WDR1: variants seen among roughly 807,000 people sequenced by gnomAD.
WDR1 encodes the protein WD repeat domain 1.
Under a neutral mutation model 71.9 loss-of-function variants are expected in WDR1, and 21 were observed. The observed-to-expected ratio is 0.29, with a 90% CI of 0.21 to 0.42. The LOEUF is 0.42. Among genes scored for constraint, WDR1 ranks in the 10% least tolerant of loss-of-function variants. The pLI is 1.00. For missense variants in WDR1, 696 were observed against 824.5 expected (o/e 0.84, Z 1.91); for synonymous variants, 424 against 347.4 (o/e 1.22, Z -2.45).
At chr4:10,095,625 A>G (rs1294013398) in intron 5 of WDR1, among the ~76,000 whole-genome samples, 1 of 152,124 alleles carries the variant, frequency 6.6e-6, no homozygotes, top group East Asian at 1.9e-4. Flanking sequence ...TGCAACTCAG[A>G]AGGTATTTGG....
At chr4:10,081,674 GAAGGAGGGGC>G (rs1765021101) in intron 10 of WDR1, among the ~76,000 whole-genome samples, 4 of 81,248 alleles carry the variant, frequency 4.9e-5, no homozygotes, top group Non-Finnish European at 7.4e-5. Flanking sequence ...GGGGGGGGGG[GAAGGAGGGGC>G]GGGAGGCGGT....
In WDR1 at chr4:10,079,018, C is replaced by A; in HGVS notation, c.1285-17G>T. 3 of 1,581,940 alleles carry A rather than the reference C, an allele frequency of 1.9e-6. No individual in the cohort carries two copies. Among genetic ancestry groups the A allele is most frequent in the Non-Finnish European group, 2.6e-6 (3 of 1,160,344 alleles). ...CAGGACAATCTGTGGCACACACAGG[C>A]AGCTGGTCAGGCGGTCCAGCCCTTC... On this transcript the variant is annotated splice_polypyrimidine_tract_variant and intron_variant, in intron 11 of 14. Coordinates refer to ENST00000499869, the MANE Select transcript of WDR1 (RefSeq NM_017491.5).
intron 8 of WDR1, among the ~76,000 whole-genome samples, chr4:10,085,852 TGA>T (rs1560532169): frequency 1.3e-5 from 2 of 152,222 alleles, no homozygotes; most frequent in Non-Finnish European, 2.9e-5. Context: ...AGCATCTGCG[TGA>T]CTCACACAGG....
chr4:10,080,343 G>A (rs1425568731), intron 11 of WDR1, among the ~76,000 whole-genome samples: 1 of 143,512 alleles, frequency 7.0e-6, no homozygotes, highest in Admixed American at 7.2e-5. Context: ...GAGCCCTGCT[G>A]TGCAGAGATA....
At chr4:10,083,581 A>G (rs1472972497) in intron 9 of WDR1, 1 of 479,584 alleles carries the variant, frequency 2.1e-6, no homozygotes, top group Admixed American at 2.2e-5. Context: ...GGTCCCGGAC[A>G]GTCCCTTTGG....
chr4:10,115,087 G>C (rs1283406172), intron 2 of WDR1, among the ~76,000 whole-genome samples: 6 of 152,216 alleles, frequency 3.9e-5, no homozygotes, highest in African/African-American at 7.2e-5. Context: ...ACTTTAAGTT[G>C]ACAACCCTTG....
intron 5 of WDR1, 80 bp downstream of exon 5, chr4:10,097,631 C>T (rs1712423339): frequency 3.4e-6 from 5 of 1,492,236 alleles, no homozygotes; most frequent in Middle Eastern, 4.7e-4. Flanking sequence ...TGGTCTCTGC[C>T]ATCAGCATCT....
chr4:10,079,979 T>G (rs4697916), intron 11 of WDR1, among the ~76,000 whole-genome samples: 1 of 152,148 alleles, frequency 6.6e-6, no homozygotes, highest in Non-Finnish European at 1.5e-5. Context: ...CCCTCCTAAC[T>G]CTTTGACTGG....
chr4:10,078,918 G>A lies in WDR1; in HGVS notation c.1368C>T (p.Gly456=), dbSNP rs758676158. ...CACCCCCAATTGCCACCGTGTCCCC[G>A]CCGGGGTGCACTGCCACAACTTCGG... The part of the protein sequence containing the change: ...YEPEVVAVHP[G]GDTVAIGGVD... The change falls in exon 12 of 15, where the codon GGC becomes GGT. Residue 456 remains glycine, a synonymous_variant. Transcript: ENST00000499869. The A allele has an allele frequency of 1.6e-5, 26 of 1,612,566 alleles. No individual in the cohort carries two copies. Among genetic ancestry groups the A allele is most frequent in the Admixed American group, 1.3e-4 (8 of 59,880 alleles).
chr4:10,089,300 G>A (rs1347137517), intron 5 of WDR1, among the ~76,000 whole-genome samples: 1 of 152,170 alleles, frequency 6.6e-6, no homozygotes, highest in Non-Finnish European at 1.5e-5. Context: ...GTAGAGATGG[G>A]GTTTCCCTTT....
At chr4:10,083,628 AAAGG>A (rs1173818251) in intron 9 of WDR1, 1 of 485,350 alleles carries the variant, frequency 2.1e-6, no homozygotes, top group East Asian at 6.2e-5. Flanking sequence ...TGTCCACACA[AAAGG>A]CAGTCTCCAA....
At chr4:10,083,248 A>G in intron 9 of WDR1, 70 bp from the exon 10 acceptor site, 1 of 1,516,878 alleles carries the variant, frequency 6.6e-7, no homozygotes, top group Non-Finnish European at 8.9e-7. Context: ...CTTCAGTCCT[A>G]AGATTCTCCA....
At chr4:10,097,915 A>G (rs1560539761) in intron 4 of WDR1, 24 bp from the exon 5 acceptor site, 2 of 1,414,602 alleles carry the variant, frequency 1.4e-6, no homozygotes, top group Admixed American at 5.7e-5. Context: ...CACAGGTGGA[A>G]GACAAAAAAA....
Position 10,078,872 on chromosome 4 carries a change from GGAGA to G in WDR1, c.1395+15_1395+18del. On this transcript the variant is annotated intron_variant, in intron 12 of 14. Coordinates refer to ENST00000499869, the MANE Select transcript of WDR1 (RefSeq NM_017491.5). ...AGATACCAAGGACAGAGAGCACGGG[GGAGA>G]GGAAAGCGACTTACCACACCCCCAA... is the stretch of plus-strand genomic sequence containing the variant. The G allele has an allele frequency of 6.2e-7, 1 of 1,602,454 alleles. No homozygotes were observed.
chr4:10,085,597 G>C (rs1765178473), intron 8 of WDR1, among the ~76,000 whole-genome samples: 1 of 152,250 alleles, frequency 6.6e-6, no homozygotes, highest in Non-Finnish European at 1.5e-5. Context: ...AAGAGGCCAA[G>C]AGACTTGTGT....
intron 3 of WDR1, 134 bp from the exon 4 acceptor site, chr4:10,099,273 T>C (rs1345348580): frequency 2.8e-6 from 2 of 714,342 alleles, no homozygotes; most frequent in Non-Finnish European, 2.3e-6. Context: ...TTGCTTAGGC[T>C]TTCTAGAGGA....
chr4:10,088,200 G>A (rs1711709857), intron 7 of WDR1, 93 bp downstream of exon 7: 1 of 1,284,318 alleles, frequency 7.8e-7, no homozygotes, highest in African/African-American at 1.5e-5. Flanking sequence ...CTCATTTCAA[G>A]TTTTTGTCTA....
chr4:10,096,161 C>G (rs1342559944), intron 5 of WDR1: 2 of 152,270 alleles, frequency 1.3e-5, no homozygotes, highest in Admixed American at 1.3e-4. Flanking sequence ...TGCTGAGCAC[C>G]CTGTGCTGGG....
chr4:10,112,941 A>T (rs576462180), intron 2 of WDR1, among the ~76,000 whole-genome samples: 1 of 152,368 alleles, frequency 6.6e-6, no homozygotes, highest in South Asian at 2.1e-4. Context: ...AGGCAGCCGT[A>T]GCCTGCTGCT....
Sources: allele counts gnomAD v4.1 joint callset (sites outside exome capture counted in the v4.1 genomes callset), GRCh38; gene constraint gnomAD v4.1.1; transcripts MANE v1.5; gene names NCBI Gene and HGNC (gene_info 2026-07-23, HGNC 2026-07-21).